The following WDR41 variants were observed in gnomAD, a reference collection of about 807,000 sequenced individuals.
The protein encoded by WDR41 is WD repeat-containing protein 41.
Under a neutral mutation model 69.3 loss-of-function variants are expected in WDR41, and 63 were observed. That is an observed-to-expected ratio of 0.91 (90% confidence interval 0.74 to 1.12). WDR41 has a LOEUF of 1.12. Ranked by LOEUF, WDR41 falls within the 50% of genes most tolerant of loss-of-function variation. The pLI is 0.00. For synonymous variants in WDR41, 185 were observed against 192.1 expected (o/e 0.96, Z 0.31); for missense variants, 543 against 534.5 (o/e 1.02, Z -0.16).
intron 1 of WDR41, chr5:77,620,354 A>G: frequency 5.2e-6 from 2 of 381,994 alleles, no homozygotes; most frequent in Middle Eastern, 3.7e-4. Flanking sequence ...CTTTAGTCAA[A>G]ATGTAAATGA....
At chr5:77,595,702 C>G (rs1191441775) in intron 1 of WDR41, among the ~76,000 whole-genome samples, 1 of 152,176 alleles carries the variant, frequency 6.6e-6, no homozygotes, top group East Asian at 1.9e-4. Flanking sequence ...ATGGGTTGCA[C>G]ATTTCCACAA....
At chr5:77,585,155 G>A (rs553764878) in intron 1 of WDR41, among the ~76,000 whole-genome samples, 3 of 150,298 alleles carry the variant, frequency 2.0e-5, no homozygotes, top group Non-Finnish European at 4.4e-5. Context: ...ATCAAAAAGT[G>A]GGCTAAGGAC....
intron 5 of WDR41, 111 bp from the exon 6 acceptor site, chr5:77,454,039 C>G: frequency 1.3e-6 from 1 of 751,732 alleles, no homozygotes; most frequent in Non-Finnish European, 2.3e-6. Context: ...CTAGGTGGAG[C>G]TTATTTCTCC....
chr5:77,433,786 G>C (rs1319507596), intron 12 of WDR41, among the ~76,000 whole-genome samples: 1 of 152,102 alleles, frequency 6.6e-6, no homozygotes, highest in Non-Finnish European at 1.5e-5. Context: ...ACCAATGAGA[G>C]ATTATGTAAT....
At chr5:77,599,832 T>C (rs1168522472) in intron 1 of WDR41, among the ~76,000 whole-genome samples, 1 of 152,184 alleles carries the variant, frequency 6.6e-6, no homozygotes, top group Non-Finnish European at 1.5e-5. Context: ...GGGCAAGATA[T>C]GTTAAAGCCA....
At chr5:77,437,502 A>C in intron 10 of WDR41, 78 bp from the exon 11 acceptor site, 1 of 1,243,078 alleles carries the variant, frequency 8.0e-7, no homozygotes. Context: ...GAAAGAAATC[A>C]GTGGAGCCCT....
upstream of WDR41, among the ~76,000 whole-genome samples, chr5:77,495,798 G>T (rs533084138): frequency 2.7e-3 from 271 of 99,918 alleles, 2 homozygotes; most frequent in African/African-American, 0.016. Context: ...ACCAAAACCA[G>T]AAAAAAAATC....
intron 5 of WDR41, among the ~76,000 whole-genome samples, chr5:77,456,552 A>T (rs1490470498): frequency 6.6e-6 from 1 of 152,208 alleles, no homozygotes; most frequent in Non-Finnish European, 1.5e-5. Flanking sequence ...TTCCTTTCCA[A>T]TATGGATGTC....
chr5:77,565,817 C>T (rs1358984383), intron 1 of WDR41, among the ~76,000 whole-genome samples: 3 of 152,150 alleles, frequency 2.0e-5, no homozygotes, highest in African/African-American at 7.2e-5. Flanking sequence ...TATAAATCTT[C>T]TCTCCATAGA....
intron 1 of WDR41, among the ~76,000 whole-genome samples, chr5:77,612,245 C>G (rs905721289): frequency 1.3e-5 from 2 of 152,216 alleles, no homozygotes; most frequent in African/African-American, 4.8e-5. Flanking sequence ...CCTTCTGAAA[C>G]TATTCCAATC....
rs1322954020 is a variant in WDR41 at position 77,432,117 on chromosome 5, G to A, written c.*1018C>T. ...TGGAGATTCCCTTTAGGGTATATTT[G>A]TAGTATATTTGTATAATGAACAAAT... On this transcript the variant is annotated 3_prime_UTR_variant, in exon 13 of 13. Transcript: ENST00000296679. 1 of 152,168 alleles carries A rather than the reference G, an allele frequency of 6.6e-6. No homozygotes were observed. Among genetic ancestry groups the A allele is most frequent in the African/African-American group, 2.4e-5 (1 of 41,446 alleles). 9.4% of individuals were successfully genotyped at this position (152,168 alleles called of 1,614,324 possible). A position where few individuals can be genotyped will look rare whatever the true frequency, so the allele number is the denominator to read the frequency against.
At chr5:77,488,095 T>A (rs1254232912) in intron 2 of WDR41, among the ~76,000 whole-genome samples, 4 of 152,118 alleles carry the variant, frequency 2.6e-5, no homozygotes, top group African/African-American at 9.7e-5. Context: ...GTCCTTCTAG[T>A]GAATTATCAG....
rs935757897 is a variant in WDR41, at chr5:77,569,937, A to G, written c.42+50542T>C. 1.7e-4 allele frequency among the ~76,000 whole-genome samples: 26 copies of G among 152,230 alleles called. No homozygotes were observed. In the South Asian group the frequency reaches 2.1e-3, roughly 12 times the overall value. On this transcript the variant is annotated intron_variant, in intron 1 of 5. Coordinates refer to the WDR41 transcript ENST00000509971. Reference sequence around the variant, plus strand: ...ATCTCCTGTGGCTATTGCACAGTACAGTATAAGCTCAGCATACAAGCACAT... The same window carrying G: ...ATCTCCTGTGGCTATTGCACAGTACGGTATAAGCTCAGCATACAAGCACAT...
chr5:77,533,542 C>T (rs1250994491), intron 1 of WDR41, among the ~76,000 whole-genome samples: 2 of 152,216 alleles, frequency 1.3e-5, no homozygotes, highest in East Asian at 3.9e-4. Context: ...ACATCTATAC[C>T]TATCCCAAAT....
intron 1 of WDR41, 174 bp downstream of exon 1, chr5:77,491,996 C>T: frequency 1.2e-6 from 1 of 802,778 alleles, no homozygotes; most frequent in Non-Finnish European, 1.9e-6. Flanking sequence ...TGAGGAGCTC[C>T]GGCTCCCGCG....
chr5:77,606,363 G>A (rs77923836), intron 1 of WDR41, among the ~76,000 whole-genome samples: 443 of 152,262 alleles, frequency 2.9e-3, no homozygotes, highest in African/African-American at 0.01. Flanking sequence ...AAGAAAAAAG[G>A]CTTCCTACAG....
chr5:77,460,721 T>C (rs150708219), intron 4 of WDR41, among the ~76,000 whole-genome samples: 2,800 of 152,230 alleles, frequency 0.018, 63 homozygotes, highest in African/African-American at 0.055. Context: ...AGCCTGAAGG[T>C]AGTTTTATAC....
chr5:77,507,045 AG>A (rs1802120118), intron 1 of WDR41, among the ~76,000 whole-genome samples: 1 of 152,236 alleles, frequency 6.6e-6, no homozygotes, highest in Admixed American at 6.5e-5. Flanking sequence ...TTTTAAAAAA[AG>A]AAACATATTT....
intron 1 of WDR41, among the ~76,000 whole-genome samples, chr5:77,571,412 AG>A (rs1743730803): frequency 6.6e-6 from 1 of 152,254 alleles, no homozygotes; most frequent in Non-Finnish European, 1.5e-5. Context: ...GGAACATAGG[AG>A]GAGGATGCAA....
Sources: gnomAD v4.1 joint callset for allele counts (sites outside exome capture counted in the v4.1 genomes callset) on GRCh38, gnomAD v4.1.1 for gene constraint, MANE v1.5 for transcripts, NCBI Gene and HGNC (gene_info 2026-07-23, HGNC 2026-07-21) for gene names.